CDK14: variants seen among roughly 807,000 people sequenced by gnomAD.
The protein encoded by CDK14 is cyclin dependent kinase 14.
In CDK14, 34 loss-of-function variants were observed where a neutral mutation model predicts 60.7. The observed-to-expected ratio is 0.56, with a 90% CI of 0.43 to 0.75. The LOEUF (loss-of-function observed/expected upper bound fraction) is 0.75. Among genes scored for constraint, CDK14 ranks in the 30% least tolerant of loss-of-function variants. The pLI, the probability that CDK14 is intolerant of heterozygous loss-of-function variation, is 0.00. For synonymous variants in CDK14, 197 were observed against 203.7 expected (o/e 0.97, Z 0.28); for missense variants, 482 against 564.1 (o/e 0.85, Z 1.47).
intron 8 of CDK14, among the ~76,000 whole-genome samples, chr7:90,933,138 AAG>A (rs1227201773): frequency 6.6e-6 from 1 of 152,036 alleles, no homozygotes; most frequent in East Asian, 1.9e-4. Context: ...TCAAGAGTTC[AAG>A]ACCAGCCTGG....
chr7:90,745,636 G>C (rs533989365), intron 3 of CDK14, among the ~76,000 whole-genome samples: 45 of 152,168 alleles, frequency 3.0e-4, no homozygotes, highest in Middle Eastern at 3.4e-3. Context: ...GGATGGTCTC[G>C]ATCTCTTGAC....
chr7:90,615,478 G>A lies in CDK14; in HGVS notation c.123+11229G>A, dbSNP rs1799632081. 2.6e-5 allele frequency among the ~76,000 whole-genome samples: 4 copies of A among 152,160 alleles called. 1 individual carries two copies. Among genetic ancestry groups the A allele is most frequent in the Admixed American group, 2.0e-4 (3 of 15,288 alleles). ...TTCTAGTCTAGCAGATCTCGAACAC[G>A]TTATAACTCTGTGTTCTGATCAGCT... is the stretch of plus-strand genomic sequence containing the variant. On this transcript the variant is annotated intron_variant, in intron 2 of 14. Coordinates refer to ENST00000380050, the MANE Select transcript of CDK14 (RefSeq NM_001287135.2).
intron 10 of CDK14, among the ~76,000 whole-genome samples, chr7:90,992,854 T>C (rs371964793): frequency 1.3e-5 from 2 of 152,214 alleles, no homozygotes; most frequent in East Asian, 1.9e-4. Flanking sequence ...AATTTCTGTA[T>C]ATGTTACAAT....
chr7:91,096,080 A>AC (rs1229877614), intron 12 of CDK14, among the ~76,000 whole-genome samples: 1 of 150,622 alleles, frequency 6.6e-6, no homozygotes, highest in Non-Finnish European at 1.5e-5. Flanking sequence ...AAAAAAAAAA[A>AC]AAAAAAAACA....
At chr7:90,958,119 G>T (rs1278521604) in intron 9 of CDK14, among the ~76,000 whole-genome samples, 12 of 151,976 alleles carry the variant, frequency 7.9e-5, no homozygotes, top group Admixed American at 7.9e-4. Context: ...TCATAAATTG[G>T]CCTGTGATGA....
chr7:91,141,866 C>G lies in CDK14; in HGVS notation c.*28+23658C>G, dbSNP rs142053053. ...TTTGAGATGGAGTCTCACTCTGTCA[C>G]CCAGGCTGGAGTGCAGTGGCGTGAT... is the stretch of plus-strand genomic sequence containing the variant. On this transcript the variant is annotated intron_variant, in intron 14 of 14. Coordinates refer to ENST00000380050, the MANE Select transcript of CDK14 (RefSeq NM_001287135.2). 4.3e-3 allele frequency among the ~76,000 whole-genome samples: 647 copies of G among 152,088 alleles called. 3 individuals carry two copies. The highest frequency in any genetic ancestry group is 0.014 in the African/African-American group (593 of 41,504).
intron 6 of CDK14, among the ~76,000 whole-genome samples, chr7:90,864,072 C>T (rs541336035): frequency 6.6e-6 from 1 of 151,920 alleles, no homozygotes; most frequent in South Asian, 2.1e-4. Flanking sequence ...ATTAGGACCC[C>T]ATTTTGTAAT....
Position 91,001,710 on chromosome 7 carries a change from G to A in CDK14, c.1041+17469G>A, listed in dbSNP as rs563884577. On this transcript the variant is annotated intron_variant, in intron 10 of 14. Transcript: ENST00000380050. ...ATTAGGATATGTGGCAGTAATTTGC[G>A]TATGTATCTCCTAGCAATGTCCCAG... Among the ~76,000 whole-genome samples the A allele has an allele frequency of 5.3e-4, 81 of 152,264 alleles. No homozygotes were observed. The South Asian group carries it at 0.014, about 26-fold the overall frequency.
intron 7 of CDK14, among the ~76,000 whole-genome samples, chr7:90,913,122 T>C (rs1792961484): frequency 1.3e-5 from 2 of 152,184 alleles, no homozygotes; most frequent in Admixed American, 6.5e-5. Context: ...TGGTTTTTCA[T>C]AGAAGATCAA....
rs2116964557 is a variant in CDK14 at position 90,790,083 on chromosome 7, A to G, written c.465-490A>G. The stretch of plus-strand genomic sequence containing the variant: ...TGTAGTAAAAAAGAAAAAAAAACAA[A>G]AAAAGGGGAATTTTTTCCTTTTTTT... On this transcript the variant is annotated intron_variant, in intron 4 of 14. Transcript: ENST00000380050. Among the ~76,000 whole-genome samples the G allele has an allele frequency of 1.4e-5, 2 of 141,336 alleles. 1 individual carries two copies. The highest frequency in any genetic ancestry group is 4.6e-4 in the South Asian group (2 of 4,364). 92.7% of individuals were successfully genotyped at this position (141,336 alleles called of 152,430 possible).
chr7:90,961,010 C>G (rs567121996), intron 9 of CDK14, among the ~76,000 whole-genome samples: 1 of 152,016 alleles, frequency 6.6e-6, no homozygotes, highest in African/African-American at 2.4e-5. Context: ...GAAAACCAAA[C>G]CCAGAGATAC....
intron 11 of CDK14, among the ~76,000 whole-genome samples, chr7:91,061,292 G>A (rs1013909299): frequency 6.6e-6 from 1 of 152,080 alleles, no homozygotes; most frequent in East Asian, 1.9e-4. Context: ...ATTCTAGTTA[G>A]CCATTCATCT....
chr7:91,064,831 C>T (rs982495305), intron 11 of CDK14, among the ~76,000 whole-genome samples: 1 of 152,126 alleles, frequency 6.6e-6, no homozygotes, highest in Non-Finnish European at 1.5e-5. Context: ...TTTTCTCCTG[C>T]TTTCTTTTCT....
intron 2 of CDK14, chr7:90,692,786 T>A: frequency 2.6e-6 from 1 of 387,138 alleles, no homozygotes; most frequent in Non-Finnish European, 3.5e-6. Flanking sequence ...CTATTGTGGT[T>A]GGGTGTGGTG....
chr7:90,897,670 A>G (rs1404554659), intron 6 of CDK14, among the ~76,000 whole-genome samples: 2 of 152,096 alleles, frequency 1.3e-5, no homozygotes, highest in Non-Finnish European at 2.9e-5. Context: ...TGAAGTTACA[A>G]AATGGCAGTT....
chr7:91,135,529 G>A (rs1474468418), intron 14 of CDK14, among the ~76,000 whole-genome samples: 4 of 152,168 alleles, frequency 2.6e-5, no homozygotes, highest in Non-Finnish European at 5.9e-5. Context: ...AGACAAGGGA[G>A]CCATGTATAG....
chr7:90,897,174 C>T (rs935923413), intron 6 of CDK14, among the ~76,000 whole-genome samples: 8 of 151,908 alleles, frequency 5.3e-5, no homozygotes, highest in East Asian at 1.9e-4. Flanking sequence ...TTATGTTAAA[C>T]GTGATTTTAC....
chr7:90,772,444 A>G (rs1010464075), intron 4 of CDK14, among the ~76,000 whole-genome samples: 2 of 152,184 alleles, frequency 1.3e-5, no homozygotes, highest in African/African-American at 4.8e-5. Flanking sequence ...TTAATGTTGA[A>G]TTGTAACTCC....
At chr7:90,634,984 G>GT (rs1187954221) in intron 2 of CDK14, among the ~76,000 whole-genome samples, 1 of 152,094 alleles carries the variant, frequency 6.6e-6, no homozygotes, top group African/African-American at 2.4e-5. Context: ...GGGGTTGTTT[G>GT]TTTTTTTCTT....
Sources: gnomAD v4.1 joint callset for allele counts (sites outside exome capture counted in the v4.1 genomes callset) on GRCh38, gnomAD v4.1.1 for gene constraint, MANE v1.5 for transcripts, NCBI Gene and HGNC (gene_info 2026-07-23, HGNC 2026-07-21) for gene names.